The following SMC6 variants were observed in gnomAD, a reference collection of about 807,000 sequenced individuals.
The protein encoded by SMC6 is structural maintenance of chromosomes 6, also known as structural maintenance of chromosomes protein 6.
Under a neutral mutation model 142.2 loss-of-function variants are expected in SMC6, and 79 were observed. The observed-to-expected ratio is 0.56, with a 90% confidence interval of 0.46 to 0.67. The LOEUF (loss-of-function observed/expected upper bound fraction) is 0.67. SMC6 is among the 30% of genes least tolerant of loss of function. The pLI, the probability that SMC6 is intolerant of heterozygous loss-of-function variation, is 0.00. For missense variants in SMC6, 1,072 were observed against 1,284.0 expected (o/e 0.83, Z 2.52); for synonymous variants, 411 against 412.4 (o/e 1.00, Z 0.04).
At chr2:17,707,413 C>A in intron 17 of SMC6, 34 bp from the exon 18 acceptor site, 2 of 1,372,224 alleles carry the variant, frequency 1.5e-6, no homozygotes, top group South Asian at 2.0e-5. Context: ...TTTTTTAAGA[C>A]GATGTGAAAA....
chr2:17,714,540 G>A (rs992437886), intron 16 of SMC6, among the ~76,000 whole-genome samples: 1 of 152,180 alleles, frequency 6.6e-6, no homozygotes, highest in African/African-American at 2.4e-5. Flanking sequence ...ATTTAACTGT[G>A]TGTAATGGGT....
intron 9 of SMC6, among the ~76,000 whole-genome samples, chr2:17,721,908 A>T (rs1314443524): frequency 6.6e-6 from 1 of 151,992 alleles, no homozygotes; most frequent in Non-Finnish European, 1.5e-5. Context: ...GTTAGCCAGG[A>T]ACTGAGTTCA....
chr2:17,713,294 T>C, intron 16 of SMC6: 1 of 330,202 alleles, frequency 3.0e-6, no homozygotes, highest in African/African-American at 2.2e-5. Flanking sequence ...GTCAGCTTCC[T>C]CTCTCATTCT....
At chr2:17,739,519 C>T (rs1184333904) in intron 4 of SMC6, among the ~76,000 whole-genome samples, 2 of 152,000 alleles carry the variant, frequency 1.3e-5, no homozygotes, top group Non-Finnish European at 2.9e-5. Flanking sequence ...GTGGTGCACA[C>T]TTGTAATCCC....
chr2:17,669,929 G>C (rs1666675676), intron 26 of SMC6, among the ~76,000 whole-genome samples: 3 of 152,172 alleles, frequency 2.0e-5, no homozygotes, highest in African/African-American at 7.2e-5. Flanking sequence ...TATTTTGCCT[G>C]TCAGAGGTAG....
At chr2:17,676,555 G>A (rs551491303) in intron 25 of SMC6, among the ~76,000 whole-genome samples, 67 of 152,098 alleles carry the variant, frequency 4.4e-4, no homozygotes, top group African/African-American at 1.6e-3. Context: ...ATGAATTTTA[G>A]GATCAGCTTG....
intron 6 of SMC6, 39 bp from the exon 7 acceptor site, chr2:17,731,178 T>G: frequency 1.4e-6 from 2 of 1,432,106 alleles, no homozygotes; most frequent in East Asian, 4.6e-5. Flanking sequence ...AAACTGTTTC[T>G]AGGGCATAAC....
chr2:17,706,864 G>T (rs1380071255), intron 18 of SMC6, among the ~76,000 whole-genome samples: 1 of 152,124 alleles, frequency 6.6e-6, no homozygotes, highest in Admixed American at 6.6e-5. Context: ...AAACCAGTCT[G>T]CTGTATCCTC....
At position 17,695,408 on chromosome 2, in the gene SMC6, G is replaced by A. The variant is rs1325945871; in HGVS notation, c.2533-111C>T. On this transcript the variant is annotated intron_variant, in intron 22 of 27. Coordinates refer to ENST00000448223, the MANE Select transcript of SMC6 (RefSeq NM_001142286.2). ...AATTCTGAACTCATTTTTAAGAAAT[G>A]TATTTTAATTACATTTAATATCAAT... The A allele has an allele frequency of 8.8e-6, 7 of 796,668 alleles. No homozygotes were observed. The Admixed American group carries it at 9.6e-5, about 11-fold the overall frequency. 49.3% of individuals were successfully genotyped at this position (796,668 alleles called of 1,614,324 possible).
rs185644385 is a variant in SMC6, at chr2:17,734,771, G to A, written c.345-2894C>T. On this transcript the variant is annotated intron_variant, in intron 5 of 27. Coordinates refer to ENST00000448223, the MANE Select transcript of SMC6 (RefSeq NM_001142286.2). The stretch of plus-strand genomic sequence containing the variant: ...TTTTGAGACAGAGTCTCACTCTGTC[G>A]CCCAGGCTGGAGTGCAGTGGCATGA... Among the ~76,000 whole-genome samples, 13 of 151,772 alleles carry A rather than the reference G, an allele frequency of 8.6e-5. 1 individual carries two copies. Among genetic ancestry groups the A allele is most frequent in the South Asian group, 6.3e-4 (3 of 4,786 alleles).
chr2:17,739,843 CAG>C (rs1295842558), intron 4 of SMC6, among the ~76,000 whole-genome samples: 1,433 of 123,236 alleles, frequency 0.012, 49 homozygotes, highest in African/African-American at 0.046. Flanking sequence ...CACACACACA[CAG>C]ACACACACAC....
chr2:17,753,115 G>A (rs1442795471), intron 1 of SMC6, 51 bp from the exon 2 acceptor site: 3 of 690,366 alleles, frequency 4.3e-6, no homozygotes, highest in Non-Finnish European at 1.8e-6. Flanking sequence ...TTGAACACAT[G>A]TTAATTTTTC....
Position 17,697,279 on chromosome 2 carries a change from G to C in SMC6, c.2395-853C>G, listed in dbSNP as rs78755987. On this transcript the variant is annotated intron_variant, in intron 21 of 27. Coordinates refer to ENST00000448223, the MANE Select transcript of SMC6 (RefSeq NM_001142286.2). ...AGCATAACAATTAGAAAAAAAAAAG[G>C]GTAATACTGTATTTATACAAAAACA... is the stretch of plus-strand genomic sequence containing the variant. Among the ~76,000 whole-genome samples, 719 of 151,734 alleles carry C rather than the reference G, an allele frequency of 4.7e-3. 4 individuals are homozygous for C. Among genetic ancestry groups the C allele is most frequent in the African/African-American group, 0.016 (667 of 41,432 alleles).
intron 23 of SMC6, among the ~76,000 whole-genome samples, chr2:17,688,245 C>T (rs1356174617): frequency 6.6e-6 from 1 of 151,332 alleles, no homozygotes; most frequent in East Asian, 1.9e-4. Flanking sequence ...AAGTTACTGA[C>T]TCCAAGGCTG....
At chr2:17,666,374 C>T in intron 27 of SMC6, 46 bp downstream of exon 27, 1 of 1,299,644 alleles carries the variant, frequency 7.7e-7, no homozygotes, top group South Asian at 1.3e-5. Flanking sequence ...ATTTCTTTCC[C>T]CCTTTTATAT....
chr2:17,723,357 A>G (rs1033812875), intron 9 of SMC6, among the ~76,000 whole-genome samples: 3 of 152,132 alleles, frequency 2.0e-5, no homozygotes, highest in South Asian at 2.1e-4. Context: ...GAAGTCATCC[A>G]TTTTCATGTC....
chr2:17,665,551 G>A lies in SMC6; in HGVS notation c.3224C>T (p.Thr1075Ile). Residue 1075 changes from threonine to isoleucine, a missense_variant, in exon 28 of 28, where the codon ACT (threonine) becomes ATT (isoleucine). Physicochemically the swap from Thr to Ile is moderately conservative, Grantham distance 89. This residue lies in a region of SMC6 where 76 missense variants were observed against 112.3 expected (regional missense o/e 0.68). Coordinates refer to ENST00000448223, the MANE Select transcript of SMC6 (RefSeq NM_001142286.2). ...LRMSDPERGQ[T>I]TLPFRPVTQE... The stretch of plus-strand genomic sequence containing the variant: ...AGTCACAGGTCTGAAAGGCAATGTA[G>A]TTTGTCCTCTTTCAGGATCAGACAT... 1 of 1,611,624 alleles carries A rather than the reference G, an allele frequency of 6.2e-7. No individual in the cohort carries two copies. Among genetic ancestry groups the A allele is most frequent in the South Asian group, 1.1e-5 (1 of 90,778 alleles).
chr2:17,716,043 A>G (rs1306424615), intron 15 of SMC6, 43 bp downstream of exon 15: 1 of 1,377,628 alleles, frequency 7.3e-7, no homozygotes, highest in Non-Finnish European at 9.5e-7. Flanking sequence ...ATAAAAACTT[A>G]TTTCTAAAGT....
At chr2:17,685,434 T>A (rs1667409574) in intron 23 of SMC6, among the ~76,000 whole-genome samples, 1 of 152,096 alleles carries the variant, frequency 6.6e-6, no homozygotes, top group Admixed American at 6.6e-5. Context: ...TAGGTGAAAC[T>A]ATCCTTCAAA....
Sources: gnomAD v4.1 joint callset for allele counts (sites outside exome capture counted in the v4.1 genomes callset) on GRCh38, gnomAD v4.1.1 for gene constraint, gnomAD v4.1.1 regional missense constraint, MANE v1.5 for transcripts, NCBI Gene and HGNC (gene_info 2026-07-23, HGNC 2026-07-21) for gene names.